Variants in MTHFD1L observed in about 807,000 individuals in gnomAD.
The protein encoded by MTHFD1L is methylenetetrahydrofolate dehydrogenase (NADP+ dependent) 1 like, also known as monofunctional C1-tetrahydrofolate synthase, mitochondrial.
In MTHFD1L, 81 loss-of-function variants were observed where a neutral mutation model predicts 119.5. That is an observed-to-expected ratio of 0.68 (90% CI 0.57 to 0.82). The LOEUF (loss-of-function observed/expected upper bound fraction) is 0.82, where lower values mean the gene tolerates loss of function less well. Ranked by LOEUF, MTHFD1L falls within the 40% of genes least tolerant of loss-of-function variation. The probability of loss-of-function intolerance (pLI) is 0.00; values close to 1 mark genes in which losing one functional copy is unlikely to be tolerated. For missense variants in MTHFD1L, 1,125 were observed against 1,253.4 expected, an observed-to-expected ratio of 0.90 and a Z score of 1.55; for synonymous variants, 430 against 475.2, an observed-to-expected ratio of 0.90 and a Z score of 1.24.
At chr6:150,985,702 T>C (rs549947893) in intron 20 of MTHFD1L, among the ~76,000 whole-genome samples, 35 of 145,434 alleles carry the variant, frequency 2.4e-4, no homozygotes, top group African/African-American at 8.5e-4. Flanking sequence ...AAAAGAAAAC[T>C]CTCCTTTGAA....
chr6:151,010,104 T>G (rs1782012040), intron 21 of MTHFD1L, 146 bp downstream of exon 21: 1 of 955,798 alleles, frequency 1.0e-6, no homozygotes, highest in African/African-American at 1.7e-5. Context: ...TAGACCTCCC[T>G]CGTGGACATC....
chr6:150,899,944 C>T (rs1225949722), intron 7 of MTHFD1L, among the ~76,000 whole-genome samples: 5 of 150,714 alleles, frequency 3.3e-5, no homozygotes, highest in African/African-American at 1.2e-4. Flanking sequence ...GCACTCCAGC[C>T]TGGGCCACAG....
intron 19 of MTHFD1L, among the ~76,000 whole-genome samples, chr6:150,971,477 G>A (rs538313377): frequency 6.6e-6 from 1 of 152,258 alleles, no homozygotes; most frequent in East Asian, 1.9e-4. Context: ...GGGATTACAG[G>A]CGTGAGTCAC....
chr6:151,019,608 C>T (rs975661010), intron 24 of MTHFD1L, among the ~76,000 whole-genome samples: 5 of 152,316 alleles, frequency 3.3e-5, no homozygotes, highest in African/African-American at 1.2e-4. Flanking sequence ...ACACACTTCT[C>T]GCTTTTCTTG....
At chr6:151,077,049 G>T (rs1792595407) in intron 26 of MTHFD1L, among the ~76,000 whole-genome samples, 1 of 151,956 alleles carries the variant, frequency 6.6e-6, no homozygotes, top group Admixed American at 6.6e-5. Context: ...AGGTTAGAGG[G>T]GTCAGTCCAG....
chr6:150,899,379 A>G (rs1784760308), intron 7 of MTHFD1L, among the ~76,000 whole-genome samples: 1 of 152,206 alleles, frequency 6.6e-6, no homozygotes, highest in Admixed American at 6.5e-5. Context: ...AACACACCCA[A>G]TTCCTGAAAG....
chr6:151,058,698 G>A (rs1050779798), intron 26 of MTHFD1L, among the ~76,000 whole-genome samples: 2 of 152,336 alleles, frequency 1.3e-5, no homozygotes, highest in East Asian at 3.9e-4. Context: ...GGCTTGGCCT[G>A]GCCTGGCCAT....
chr6:150,921,896 T>C (rs774483868), intron 9 of MTHFD1L, among the ~76,000 whole-genome samples: 8 of 152,238 alleles, frequency 5.3e-5, no homozygotes, highest in Non-Finnish European at 1.0e-4. Flanking sequence ...AACTATAGAA[T>C]TAAGCTGGAT....
chr6:150,972,186 T>TG, intron 20 of MTHFD1L, 128 bp downstream of exon 20: 4 of 790,790 alleles, frequency 5.1e-6, no homozygotes, highest in Non-Finnish European at 8.2e-6. Flanking sequence ...TCATAGAGGG[T>TG]CTCAATAATG....
intron 17 of MTHFD1L, chr6:150,959,091 C>A (rs945138477): frequency 2.8e-6 from 2 of 708,270 alleles, no homozygotes; most frequent in African/African-American, 1.9e-5. Flanking sequence ...AATGAAAGAC[C>A]ACTTATGTTT....
chr6:151,057,664 C>T (rs545341971), intron 26 of MTHFD1L, among the ~76,000 whole-genome samples: 2 of 152,148 alleles, frequency 1.3e-5, no homozygotes, highest in African/African-American at 4.8e-5. Flanking sequence ...GACCTAGACT[C>T]CCCCTGTCAA....
At chr6:151,032,337 G>C (rs1015996413) in intron 24 of MTHFD1L, among the ~76,000 whole-genome samples, 5 of 152,170 alleles carry the variant, frequency 3.3e-5, no homozygotes, top group African/African-American at 1.2e-4. Flanking sequence ...TGAAGGCGGG[G>C]GGAGCCAGTG....
intron 26 of MTHFD1L, among the ~76,000 whole-genome samples, chr6:151,062,139 A>C (rs752654296): frequency 2.0e-5 from 3 of 152,234 alleles, no homozygotes; most frequent in Non-Finnish European, 2.9e-5. Flanking sequence ...TGAATCATTA[A>C]GACCTTTCTC....
Position 150,866,066 on chromosome 6 carries a change from G to GC in MTHFD1L, c.227+20dup, listed in dbSNP as rs1315751202. On this transcript the variant is annotated intron_variant, in intron 1 of 27. Coordinates refer to ENST00000367321, the MANE Select transcript of MTHFD1L (RefSeq NM_015440.5). ...CATCGTCAGGTGAGTGTCGGGTCTG[G>GC]CCCTGGCCCAGGTCTCCAGCGGCTG... 17 of 1,480,042 alleles carry GC rather than the reference G, an allele frequency of 1.1e-5. No individual in the cohort carries two copies. The highest frequency in any genetic ancestry group is 2.3e-4 in the Middle Eastern group (1 of 4,338). The allele number at this position is 1,480,042 out of a possible 1,614,324, so 91.7% of individuals were successfully genotyped here.
intron 26 of MTHFD1L, among the ~76,000 whole-genome samples, chr6:151,050,678 C>T (rs554194845): frequency 2.0e-5 from 3 of 151,916 alleles, no homozygotes; most frequent in African/African-American, 7.3e-5. Context: ...TAGACAGGGT[C>T]GGAACTGAAC....
chr6:150,888,291 A>G (rs766268111), intron 7 of MTHFD1L, among the ~76,000 whole-genome samples: 9 of 152,266 alleles, frequency 5.9e-5, no homozygotes, highest in Non-Finnish European at 8.8e-5. Flanking sequence ...AAGAAGGGTA[A>G]CATGCTAAAG....
intron 26 of MTHFD1L, among the ~76,000 whole-genome samples, chr6:151,081,766 T>C (rs1244319190): frequency 3.3e-5 from 5 of 152,202 alleles, no homozygotes; most frequent in African/African-American, 1.2e-4. Flanking sequence ...GGTCTAGTTG[T>C]GAGGGAGAGA....
At chr6:151,092,626 T>C in intron 27 of MTHFD1L, 39 bp downstream of exon 27, 3 of 1,315,020 alleles carry the variant, frequency 2.3e-6, no homozygotes, top group South Asian at 1.3e-5. Flanking sequence ...TCTTTGTTTT[T>C]TTCCAGTTCA....
chr6:150,966,278 C>T (rs990200992), intron 19 of MTHFD1L, among the ~76,000 whole-genome samples: 10 of 151,846 alleles, frequency 6.6e-5, no homozygotes, highest in African/African-American at 2.4e-4. Context: ...TGGTGGAAGG[C>T]GAAGGGGAAG....
Sources: allele counts gnomAD v4.1 joint callset (sites outside exome capture counted in the v4.1 genomes callset), GRCh38; gene constraint gnomAD v4.1.1; transcripts MANE v1.5; gene names NCBI Gene and HGNC (gene_info 2026-07-23, HGNC 2026-07-21).